Variants in SYNE1 observed in about 807,000 individuals in gnomAD.
The protein encoded by SYNE1 is nesprin-1.
A neutral mutation model predicts 1,111.0 loss-of-function variants in SYNE1; 616 were observed. The observed-to-expected ratio is 0.55, with a 90% confidence interval of 0.52 to 0.59. The LOEUF (loss-of-function observed/expected upper bound fraction) is 0.59. Ranked by LOEUF, SYNE1 falls within the 20% of genes least tolerant of loss-of-function variation. SYNE1 has a pLI of 0.00. For missense variants in SYNE1, 10,006 were observed against 10,417.0 expected (o/e 0.96, Z 1.72); for synonymous variants, 3,855 against 3,825.8 (o/e 1.01, Z -0.28).
chr6:152,154,401 A>C (rs2060975437), intron 133 of SYNE1, among the ~76,000 whole-genome samples: 1 of 151,832 alleles, frequency 6.6e-6, no homozygotes, highest in Non-Finnish European at 1.5e-5. Flanking sequence ...ATGAATTATA[A>C]TGAAAATGTT....
chr6:152,141,059 G>T, intron 139 of SYNE1, 144 bp downstream of exon 139: 1 of 1,211,062 alleles, frequency 8.3e-7, no homozygotes, highest in South Asian at 1.2e-5. Context: ...CAACAAAAAA[G>T]GAGACTGTTA....
chr6:152,513,674 T>A (rs566955334), intron 6 of SYNE1, among the ~76,000 whole-genome samples: 1 of 152,152 alleles, frequency 6.6e-6, no homozygotes, highest in Non-Finnish European at 1.5e-5. Flanking sequence ...AGAAAAACTA[T>A]CATCAGAGTG....
At chr6:152,327,034 TG>T (rs1162889291) in intron 78 of SYNE1, among the ~76,000 whole-genome samples, 3 of 152,188 alleles carry the variant, frequency 2.0e-5, no homozygotes, top group African/African-American at 7.2e-5. Context: ...GGCTCATGAC[TG>T]TAATCTCAGC....
chr6:152,441,042 CAATT>C lies in SYNE1; in HGVS notation c.4149+84_4149+87del, dbSNP rs146706599. The C allele has an allele frequency of 3.4e-4, 506 of 1,491,062 alleles. 1 individual carries two copies. In the African/African-American group the frequency reaches 4.1e-3, roughly 12 times the overall value. The allele number at this position is 1,491,062 out of a possible 1,614,324, so 92.4% of individuals were successfully genotyped here. On this transcript the variant is annotated intron_variant, in intron 32 of 145. Coordinates refer to ENST00000367255, the MANE Select transcript of SYNE1 (RefSeq NM_182961.4). ...TAAGTATTGATTAAATTAACAATAA[CAATT>C]AATAGTAATAATGGAGGAGAAATCA...
chr6:152,178,491 G>A (rs913221570), intron 129 of SYNE1, among the ~76,000 whole-genome samples: 6 of 152,112 alleles, frequency 3.9e-5, no homozygotes, highest in African/African-American at 1.4e-4. Context: ...TAAGCAAATT[G>A]GATACATAAA....
chr6:152,411,780 C>T (rs972288145), intron 42 of SYNE1, among the ~76,000 whole-genome samples: 3 of 150,420 alleles, frequency 2.0e-5, no homozygotes, highest in African/African-American at 7.5e-5. Context: ...AGAATGTCAA[C>T]CAAGCAAATA....
At chr6:152,380,618 C>T in intron 56 of SYNE1, 1 of 276,252 alleles carries the variant, frequency 3.6e-6, no homozygotes, top group South Asian at 3.7e-5. Context: ...GCTATAAATT[C>T]AATCATTTAG....
chr6:152,473,794 C>T (rs2098820101), intron 14 of SYNE1, among the ~76,000 whole-genome samples: 1 of 152,244 alleles, frequency 6.6e-6, no homozygotes. Flanking sequence ...GAGTTATCAC[C>T]CCAGCTAGCT....
intron 97 of SYNE1, among the ~76,000 whole-genome samples, chr6:152,281,511 T>G (rs1003751089): frequency 6.6e-6 from 1 of 152,258 alleles, no homozygotes; most frequent in African/African-American, 2.4e-5. Flanking sequence ...CCATTGGCTT[T>G]GTATTCCTTA....
chr6:152,173,086 G>A (rs1260666903), intron 130 of SYNE1, among the ~76,000 whole-genome samples: 4 of 152,300 alleles, frequency 2.6e-5, no homozygotes, highest in South Asian at 2.1e-4. Context: ...AGTCCTAAAA[G>A]TAACTGAGCA....
intron 144 of SYNE1, 63 bp downstream of exon 144, chr6:152,132,059 A>G: frequency 6.7e-7 from 1 of 1,491,262 alleles, no homozygotes; most frequent in South Asian, 1.1e-5. Context: ...GGTGGGTGCA[A>G]ATACTGTCAC....
At chr6:152,448,310 C>A (rs1379515084) in intron 28 of SYNE1, among the ~76,000 whole-genome samples, 1 of 152,188 alleles carries the variant, frequency 6.6e-6, no homozygotes, top group African/African-American at 2.4e-5. Flanking sequence ...CTCCCTACAG[C>A]AGTTCTGGGG....
chr6:152,245,144 A>G (rs2086797845), intron 105 of SYNE1, among the ~76,000 whole-genome samples: 1 of 152,198 alleles, frequency 6.6e-6, no homozygotes, highest in Non-Finnish European at 1.5e-5. Context: ...TGTGAAGTGG[A>G]AAATCAATCA....
At chr6:152,350,444 A>G in intron 71 of SYNE1, 109 bp from the exon 72 acceptor site, 1 of 1,521,090 alleles carries the variant, frequency 6.6e-7, no homozygotes, top group Non-Finnish European at 9.1e-7. Flanking sequence ...AGAGCTACTT[A>G]GAAAACTACC....
rs34850373 is a variant in SYNE1 at position 152,552,667 on chromosome 6, CAG to C, written c.68-12648_68-12647del. ...GAACCTGAGAAATAAGGTCAAATCA[CAG>C]AGTTTAAAGAGCCAGTGTTAGAAAT... is the stretch of plus-strand genomic sequence containing the variant. On this transcript the variant is annotated intron_variant, in intron 3 of 145. Coordinates refer to ENST00000367255, the MANE Select transcript of SYNE1 (RefSeq NM_182961.4). Among the ~76,000 whole-genome samples the C allele has an allele frequency of 3.5e-3, 532 of 152,226 alleles. 2 individuals are homozygous for C. Among genetic ancestry groups the C allele is most frequent in the African/African-American group, 0.012 (487 of 41,544 alleles).
chr6:152,413,284 A>G (rs879369637), intron 42 of SYNE1, 68 bp downstream of exon 42: 1 of 1,512,368 alleles, frequency 6.6e-7, no homozygotes, highest in Non-Finnish European at 9.2e-7. Context: ...AACACAAAAC[A>G]GGCAATGTCC....
intron 98 of SYNE1, 54 bp downstream of exon 98, chr6:152,278,035 G>A (rs1312685550): frequency 6.3e-7 from 1 of 1,593,236 alleles, no homozygotes; most frequent in South Asian, 1.1e-5. Flanking sequence ...CTTAGAAGGA[G>A]CACGTGAACA....
chr6:152,359,554 G>A, intron 64 of SYNE1, 96 bp from the exon 65 acceptor site: 2 of 1,488,382 alleles, frequency 1.3e-6, no homozygotes, highest in East Asian at 4.7e-5. Context: ...CAGTTGACAA[G>A]TGACCTCAGG....
chr6:152,331,068 C>T lies in SYNE1; in HGVS notation c.13617G>A (p.Leu4539=). The stretch of plus-strand genomic sequence containing the variant: ...GTAAAACACTGTCATAGACACTCTG[C>T]AATTCCTGAAGCTTCCCCAGCACTT... ...KSEVLGKLQE[L]QSVYDSVLQK... Residue 4539 remains leucine, a synonymous_variant, in exon 78 of 146, where the codon TTG becomes TTA. Transcript: ENST00000367255. 6 of 1,614,146 alleles carry T rather than the reference C, an allele frequency of 3.7e-6. No individual in the cohort carries two copies. The highest frequency in any genetic ancestry group is 5.1e-6 in the Non-Finnish European group (6 of 1,180,034).
Sources: gnomAD v4.1 joint callset for allele counts (sites outside exome capture counted in the v4.1 genomes callset) on GRCh38, gnomAD v4.1.1 for gene constraint, MANE v1.5 for transcripts, NCBI Gene and HGNC (gene_info 2026-07-23, HGNC 2026-07-21) for gene names.